ELFN2: variants seen among roughly 807,000 people sequenced by gnomAD.
The protein encoded by ELFN2 is extracellular leucine rich repeat and fibronectin type III domain containing 2, also known as protein phosphatase 1 regulatory subunit 29.
Under a neutral mutation model 45.5 loss-of-function variants are expected in ELFN2, and 17 were observed. The ratio of observed to expected loss-of-function variants is 0.37; its 90% CI spans 0.26 to 0.56. The LOEUF (loss-of-function observed/expected upper bound fraction) is 0.56, where lower values mean the gene tolerates loss of function less well. Ranked by LOEUF, ELFN2 falls within the 20% of genes least tolerant of loss-of-function variation. ELFN2 has a pLI of 0.77. For missense variants in ELFN2, 922 were observed against 1,183.2 expected, an observed-to-expected ratio of 0.78 and a Z score of 3.24; for synonymous variants, 550 against 551.5, an observed-to-expected ratio of 1.00 and a Z score of 0.04.
At chr22:37,424,685 G>C (rs950372505) in intron 1 of ELFN2, among the ~76,000 whole-genome samples, 37 of 148,296 alleles carry the variant, frequency 2.5e-4, no homozygotes, top group Admixed American at 5.9e-4. Context: ...GGCGGCGGGG[G>C]GGGGGATGGA....
At chr22:37,350,971 C>T (rs1334494353) in intron 1 of ELFN2, among the ~76,000 whole-genome samples, 1 of 150,548 alleles carries the variant, frequency 6.6e-6, no homozygotes, top group Non-Finnish European at 1.5e-5. Flanking sequence ...CCTGCCCCTG[C>T]CTCAGTGGGC....
rs377116006 is a variant in ELFN2 at position 37,416,166 on chromosome 22, G to A, written c.-463+1603C>T. Among the ~76,000 whole-genome samples the A allele has an allele frequency of 1.1e-4, 16 of 152,316 alleles. No individual in the cohort carries two copies. In the South Asian group the frequency reaches 2.9e-3, roughly 28 times the overall value. ...GAGCCAGGTTGCAAACCCAGAACTC[G>A]CTGCTCTCCTGTGCAGCTTCCTGTT... On this transcript the variant is annotated intron_variant, in intron 2 of 2. Transcript: ENST00000402918.
At chr22:37,351,731 G>A (rs1040502628) in intron 1 of ELFN2, among the ~76,000 whole-genome samples, 5 of 150,848 alleles carry the variant, frequency 3.3e-5, no homozygotes, top group African/African-American at 1.2e-4. Context: ...AGCCCTTCCC[G>A]CTCAGACTGT....
Position 37,374,077 on chromosome 22 carries a change from C to T in ELFN2, c.1458G>A (p.Gly486=), listed in dbSNP as rs762273969. ...MIGEKLPTAK[G]LEAGLDTPKV... ...TGGGTGTGTCCAGCCCGGCCTCCAA[C>T]CCCTTGGCGGTGGGCAGCTTCTCCC... Residue 486 remains glycine, a synonymous_variant, in exon 3 of 3, where the codon GGG becomes GGA. Coordinates refer to ENST00000402918, the MANE Select transcript of ELFN2 (RefSeq NM_052906.5). 6.2e-7 allele frequency: 1 copy of T among 1,613,260 alleles called. No homozygotes were observed. Among genetic ancestry groups the T allele is most frequent in the Non-Finnish European group, 8.5e-7 (1 of 1,180,040 alleles).
intron 2 of ELFN2, among the ~76,000 whole-genome samples, chr22:37,413,568 T>C (rs1170960933): frequency 8.1e-6 from 1 of 122,710 alleles, no homozygotes; most frequent in Non-Finnish European, 1.7e-5. Context: ...ACAGCCTGTC[T>C]AAAAAAAAAA....
At chr22:37,353,289 G>A (rs1192488709) in intron 1 of ELFN2, 3 of 151,026 alleles carry the variant, frequency 2.0e-5, no homozygotes, top group Admixed American at 1.3e-4. Context: ...TCCCTCATGG[G>A]GTCTAGTCCA....
chr22:37,378,595 G>A (rs1181697934), intron 2 of ELFN2, among the ~76,000 whole-genome samples: 1 of 152,232 alleles, frequency 6.6e-6, no homozygotes, highest in African/African-American at 2.4e-5. Context: ...TCCAAGCTCT[G>A]CCCACCTGAA....
At chr22:37,393,984 G>C (rs1932147092) in intron 2 of ELFN2, among the ~76,000 whole-genome samples, 1 of 152,160 alleles carries the variant, frequency 6.6e-6, no homozygotes, top group Admixed American at 6.5e-5. Context: ...ACTCCTGCTG[G>C]CTCTGACCCG....
At chr22:37,414,779 C>T (rs906951906) in intron 2 of ELFN2, among the ~76,000 whole-genome samples, 2 of 152,202 alleles carry the variant, frequency 1.3e-5, no homozygotes, top group Non-Finnish European at 2.9e-5. Context: ...AAAGGGCACT[C>T]ACTACATTCC....
intron 1 of ELFN2, among the ~76,000 whole-genome samples, chr22:37,350,439 C>T (rs1350153269): frequency 6.6e-6 from 1 of 150,488 alleles, no homozygotes; most frequent in African/African-American, 2.4e-5. Context: ...GAGCTCTGGC[C>T]ACCCAGGGGG....
intron 1 of ELFN2, among the ~76,000 whole-genome samples, chr22:37,347,386 A>G (rs1930723102): frequency 1.3e-5 from 2 of 152,170 alleles, no homozygotes; most frequent in Non-Finnish European, 2.9e-5. Flanking sequence ...TGCCTCGCTC[A>G]AGAAGCTTCA....
intron 2 of ELFN2, among the ~76,000 whole-genome samples, chr22:37,396,398 G>A (rs1294938496): frequency 6.6e-6 from 1 of 152,200 alleles, no homozygotes; most frequent in South Asian, 2.1e-4. Flanking sequence ...AGCAAATGCT[G>A]CAGAAGCCAA....
Position 37,375,223 on chromosome 22 carries a change from G to T in ELFN2, c.312C>A (p.Ser104Arg). ...TGTAGCCCAGCTGCAGGACCTGCAG[G>T]CTCGACTGGCCCAGGAAGGCACCGT... The part of the protein sequence containing the change: ...IEDGAFLGQS[S>R]LQVLQLGYNK... Residue 104 changes from serine (S) to arginine (R), a missense_variant, in exon 3 of 3, where the codon AGC (serine) becomes AGA (arginine). Coordinates refer to ENST00000402918, the MANE Select transcript of ELFN2 (RefSeq NM_052906.5). 6.2e-7 allele frequency: 1 copy of T among 1,614,160 alleles called. No homozygotes were observed. The highest frequency in any genetic ancestry group is 1.1e-5 in the South Asian group (1 of 91,070).
Position 37,388,979 on chromosome 22 carries a change from C to CT in ELFN2, c.-462-12984dup, listed in dbSNP as rs1381581546. Among the ~76,000 whole-genome samples the CT allele has an allele frequency of 1.1e-4, 17 of 152,208 alleles. 1 individual carries two copies. Among genetic ancestry groups the CT allele is most frequent in the African/African-American group, 4.1e-4 (17 of 41,446 alleles). ...GGAGAGGTCACAGAGAATAGGAACT[C>CT]TTTCAGGGGGAGGTAGTGGGAGAAG... On this transcript the variant is annotated intron_variant, in intron 2 of 2. Coordinates refer to ENST00000402918, the MANE Select transcript of ELFN2 (RefSeq NM_052906.5).
At chr22:37,380,824 G>A (rs1015079363) in intron 2 of ELFN2, among the ~76,000 whole-genome samples, 1 of 152,204 alleles carries the variant, frequency 6.6e-6, no homozygotes, top group Non-Finnish European at 1.5e-5. Context: ...CCCCGGGGAA[G>A]AGACTCAAGC....
At chr22:37,378,398 G>A (rs891662348) in intron 2 of ELFN2, among the ~76,000 whole-genome samples, 3 of 152,228 alleles carry the variant, frequency 2.0e-5, no homozygotes, top group Non-Finnish European at 2.9e-5. Flanking sequence ...CCAGACCCAG[G>A]GTATTGGGCA....
intron 2 of ELFN2, among the ~76,000 whole-genome samples, chr22:37,393,408 G>A (rs1328036995): frequency 6.6e-6 from 1 of 152,220 alleles, no homozygotes; most frequent in Admixed American, 6.5e-5. Flanking sequence ...CCATCATCCT[G>A]AGGGCAGCAT....
In ELFN2 at chr22:37,373,491, C is replaced by T; in HGVS notation, c.2044G>A (p.Ala682Thr). 1 of 1,548,148 alleles carries T rather than the reference C, an allele frequency of 6.5e-7. No homozygotes were observed. Among genetic ancestry groups the T allele is most frequent in the East Asian group, 2.4e-5 (1 of 41,528 alleles). ...SPLDRLPLVP[A>T]GSGGGSGGGG... ...CCGCCGCTGCCCCCGCCGCTGCCCG[C>T]CGGCACCAGCGGGAGCCGGTCCAGC... is the stretch of plus-strand genomic sequence containing the variant. Residue 682 changes from alanine (A) to threonine (T), a missense_variant, in exon 3 of 3, where the codon GCG becomes ACG. This residue lies in a region of ELFN2 where 564 missense variants were observed against 642.8 expected (regional missense o/e 0.88). Coordinates refer to ENST00000402918, the MANE Select transcript of ELFN2 (RefSeq NM_052906.5).
At chr22:37,408,114 G>A (rs183122647) in intron 2 of ELFN2, among the ~76,000 whole-genome samples, 10 of 152,310 alleles carry the variant, frequency 6.6e-5, no homozygotes, top group Admixed American at 2.6e-4. Context: ...GAGAATGTCT[G>A]CATGATCCCC....
Sources: allele counts gnomAD v4.1 joint callset (sites outside exome capture counted in the v4.1 genomes callset), GRCh38; gene constraint gnomAD v4.1.1; regional missense constraint gnomAD v4.1.1; transcripts MANE v1.5; gene names NCBI Gene and HGNC (gene_info 2026-07-23, HGNC 2026-07-21).